The following TRIM33 variants were observed in gnomAD, a reference collection of about 807,000 sequenced individuals.
TRIM33 encodes the protein E3 ubiquitin-protein ligase TRIM33.
Under a neutral mutation model 125.4 loss-of-function variants are expected in TRIM33, and 20 were observed. That is an observed-to-expected ratio of 0.16 (90% CI 0.11 to 0.23). The LOEUF (loss-of-function observed/expected upper bound fraction) is 0.23, where lower values mean the gene tolerates loss of function less well. TRIM33 is among the 10% of genes least tolerant of loss of function. The probability of loss-of-function intolerance (pLI) is 1.00; values close to 1 mark genes in which losing one functional copy is unlikely to be tolerated. For missense variants in TRIM33, 920 were observed against 1,411.4 expected, an observed-to-expected ratio of 0.65 and a Z score of 5.58; for synonymous variants, 564 against 513.9, an observed-to-expected ratio of 1.10 and a Z score of -1.32.
intron 1 of TRIM33, among the ~76,000 whole-genome samples, chr1:114,473,395 T>C (rs752738090): frequency 2.1e-4 from 32 of 152,042 alleles, no homozygotes; most frequent in Admixed American, 3.9e-4. Context: ...CTGACGCACA[T>C]GGCCCCTGCT....
chr1:114,444,863 A>G (rs1239266592), intron 4 of TRIM33, among the ~76,000 whole-genome samples: 1 of 152,240 alleles, frequency 6.6e-6, no homozygotes, highest in African/African-American at 2.4e-5. Flanking sequence ...CACCAAGATG[A>G]TCTAGATGCT....
chr1:114,427,302 G>T lies in TRIM33; in HGVS notation c.1303-8C>A. 2 of 1,449,446 alleles carry T rather than the reference G, an allele frequency of 1.4e-6. No individual in the cohort carries two copies. Among genetic ancestry groups the T allele is most frequent in the Admixed American group, 1.9e-5 (1 of 51,286 alleles). The allele number at this position is 1,449,446 out of a possible 1,614,324, so 89.8% of individuals were successfully genotyped here. A position where few individuals can be genotyped will look rare whatever the true frequency, so the allele number is the denominator to read the frequency against. On this transcript the variant is annotated splice_region_variant and splice_polypyrimidine_tract_variant and intron_variant, in intron 7 of 19. Transcript: ENST00000358465. Reference sequence around the variant, plus strand: ...ACGCAACTGGAAAGTAATCTTAAAGGGAAAAAAATCCACATTAGTCTCAAA... The same window carrying T: ...ACGCAACTGGAAAGTAATCTTAAAGTGAAAAAAATCCACATTAGTCTCAAA...
intron 1 of TRIM33, among the ~76,000 whole-genome samples, chr1:114,469,567 A>G (rs17593470): frequency 6.6e-6 from 1 of 152,122 alleles, no homozygotes; most frequent in Non-Finnish European, 1.5e-5. Flanking sequence ...CTTATAACAG[A>G]GCAAGAAAAT....
intron 1 of TRIM33, among the ~76,000 whole-genome samples, chr1:114,492,785 A>G (rs897646471): frequency 1.4e-4 from 22 of 152,250 alleles, no homozygotes; most frequent in Non-Finnish European, 2.5e-4. Flanking sequence ...ATCCCATTAC[A>G]TGTATATACA....
At chr1:114,448,286 G>A (rs1170864432) in intron 4 of TRIM33, among the ~76,000 whole-genome samples, 1 of 152,174 alleles carries the variant, frequency 6.6e-6, no homozygotes, top group Non-Finnish European at 1.5e-5. Flanking sequence ...TGTTGGAAAA[G>A]TAGATGTGGT....
intron 1 of TRIM33, 118 bp from the exon 2 acceptor site, chr1:114,464,506 G>A: frequency 5.5e-6 from 3 of 550,334 alleles, no homozygotes; most frequent in Non-Finnish European, 9.6e-6. Flanking sequence ...AGCATCAAGA[G>A]CTCAGTAAAA....
chr1:114,405,806 T>G (rs553397675), intron 14 of TRIM33, 47 bp from the exon 15 acceptor site: 1 of 1,478,166 alleles, frequency 6.8e-7, no homozygotes, highest in Non-Finnish European at 9.3e-7. Flanking sequence ...TTAATCTTTA[T>G]TGTATGCCAT....
chr1:114,414,115 G>A (rs1445392546), intron 11 of TRIM33, among the ~76,000 whole-genome samples: 1 of 151,030 alleles, frequency 6.6e-6, no homozygotes, highest in South Asian at 2.1e-4. Context: ...AAATCTGAAA[G>A]GATGTACACC....
chr1:114,437,720 T>C (rs974473300), intron 4 of TRIM33, among the ~76,000 whole-genome samples: 3 of 152,198 alleles, frequency 2.0e-5, no homozygotes, highest in African/African-American at 7.2e-5. Context: ...GTAAAAATGA[T>C]GTATGCCCAG....
intron 1 of TRIM33, among the ~76,000 whole-genome samples, chr1:114,482,558 A>G (rs1651426366): frequency 1.3e-5 from 2 of 152,246 alleles, no homozygotes; most frequent in African/African-American, 4.8e-5. Flanking sequence ...AAAATGAAAT[A>G]TAAGACTTAA....
intron 11 of TRIM33, among the ~76,000 whole-genome samples, chr1:114,417,387 CCTTT>C (rs927177175): frequency 2.0e-5 from 3 of 152,154 alleles, no homozygotes; most frequent in Non-Finnish European, 4.4e-5. Flanking sequence ...CTTGCCTCTC[CCTTT>C]CTAAGTTTCT....
intron 1 of TRIM33, among the ~76,000 whole-genome samples, chr1:114,478,577 T>G (rs898729895): frequency 1.3e-5 from 2 of 151,960 alleles, no homozygotes; most frequent in Non-Finnish European, 2.9e-5. Context: ...AAAACAAAGA[T>G]TTCAAAGCAA....
intron 4 of TRIM33, among the ~76,000 whole-genome samples, chr1:114,455,198 T>A (rs531596041): frequency 6.6e-6 from 1 of 152,140 alleles, no homozygotes; most frequent in Non-Finnish European, 1.5e-5. Flanking sequence ...GGACTAGATA[T>A]AAAAGCCACT....
chr1:114,417,162 C>T (rs1652985062), intron 11 of TRIM33, among the ~76,000 whole-genome samples: 1 of 152,086 alleles, frequency 6.6e-6, no homozygotes, highest in Non-Finnish European at 1.5e-5. Flanking sequence ...GGAATGTCCA[C>T]AGAGACAAAG....
chr1:114,468,506 A>G, intron 1 of TRIM33: 1 of 392,138 alleles, frequency 2.6e-6, no homozygotes, highest in Non-Finnish European at 5.0e-6. Context: ...GTAGGGAAAA[A>G]GGTGCTTCTG....
chr1:114,427,707 T>C (rs371620368), intron 7 of TRIM33, 41 bp downstream of exon 7: 3 of 1,586,514 alleles, frequency 1.9e-6, no homozygotes, highest in Non-Finnish European at 2.6e-6. Context: ...TATATCTTAA[T>C]AAAGTCCATT....
intron 1 of TRIM33, among the ~76,000 whole-genome samples, chr1:114,473,256 C>CAAA (rs35627159): frequency 9.4e-6 from 1 of 106,294 alleles, no homozygotes. Flanking sequence ...GACTCTGTCT[C>CAAA]AAAAAAAAAA....
In TRIM33 at chr1:114,430,273, T is replaced by C. The variant is rs1271978029; in HGVS notation, c.1155+525A>G. Among the ~76,000 whole-genome samples, 3 of 152,050 alleles carry C rather than the reference T, an allele frequency of 2.0e-5. No homozygotes were observed. In the East Asian group the frequency reaches 5.8e-4, roughly 29 times the overall value. ...TCTGTTTTTCATTTTGGAGACAGGGTCTCACTCTGTTGCCCAGGCTGGAGT... is the reference window on the plus strand; with the variant it reads ...TCTGTTTTTCATTTTGGAGACAGGGCCTCACTCTGTTGCCCAGGCTGGAGT... On this transcript the variant is annotated intron_variant, in intron 6 of 19. Coordinates refer to ENST00000358465, the MANE Select transcript of TRIM33 (RefSeq NM_015906.4).
chr1:114,492,777 C>T (rs1036702517), intron 1 of TRIM33, among the ~76,000 whole-genome samples: 1 of 152,194 alleles, frequency 6.6e-6, no homozygotes, highest in African/African-American at 2.4e-5. Flanking sequence ...CAAATAATAT[C>T]CCATTACATG....
Sources: allele counts gnomAD v4.1 joint callset (sites outside exome capture counted in the v4.1 genomes callset), GRCh38; gene constraint gnomAD v4.1.1; transcripts MANE v1.5; gene names NCBI Gene and HGNC (gene_info 2026-07-23, HGNC 2026-07-21).